Variants in SLC30A7 observed in about 807,000 individuals in gnomAD.
SLC30A7 encodes the protein zinc transporter 7.
Under a neutral mutation model 46.0 loss-of-function variants are expected in SLC30A7, and 35 were observed. That is an observed-to-expected ratio of 0.76 (90% CI 0.58 to 1.01). The LOEUF (loss-of-function observed/expected upper bound fraction) is 1.01, where lower values mean the gene tolerates loss of function less well. Ranked by LOEUF, SLC30A7 falls within the 50% of genes least tolerant of loss-of-function variation. The pLI, the probability that SLC30A7 is intolerant of heterozygous loss-of-function variation, is 0.00. For synonymous variants in SLC30A7, 147 were observed against 157.8 expected (o/e 0.93, Z 0.51); for missense variants, 464 against 451.1 (o/e 1.03, Z -0.26).
At chr1:100,945,655 TTGG>T (rs1458594759) in intron 8 of SLC30A7, among the ~76,000 whole-genome samples, 1 of 152,218 alleles carries the variant, frequency 6.6e-6, no homozygotes, top group East Asian at 1.9e-4. Context: ...TATCTCTGTT[TTGG>T]TACCAGTAGC....
chr1:100,905,904 C>G lies in SLC30A7; in HGVS notation c.183-948C>G, dbSNP rs544701388. 9.2e-5 allele frequency among the ~76,000 whole-genome samples: 14 copies of G among 152,252 alleles called. No individual in the cohort carries two copies. In the South Asian group the frequency reaches 2.9e-3, roughly 32 times the overall value. On this transcript the variant is annotated intron_variant, in intron 2 of 10. Transcript: ENST00000357650. ...TTTCTGGTTCTGTTGACTGTTGTAG[C>G]TCTTAACAATGAGTCTCTCTTTTTT...
At chr1:100,991,473 A>G in the SLC30A7 span, among the ~76,000 whole-genome samples, 2 of 152,196 alleles carry the variant, frequency 1.3e-5, no homozygotes, top group Non-Finnish European at 2.9e-5. Flanking sequence ...ACCAATGAGA[A>G]TAAAATAAGC....
rs1344803661 is a variant in SLC30A7 at position 100,915,135 on chromosome 1, TTC to T, written c.655+1331_655+1332del. Among the ~76,000 whole-genome samples, 4 of 152,016 alleles carry T rather than the reference TTC, an allele frequency of 2.6e-5. No individual in the cohort carries two copies. In the South Asian group the frequency reaches 6.2e-4, roughly 24 times the overall value. On this transcript the variant is annotated intron_variant, in intron 6 of 10. Coordinates refer to ENST00000357650, the MANE Select transcript of SLC30A7 (RefSeq NM_133496.5). ...TTCTTTTCTTTTTTCTTTTCTTTTC[TTC>T]TTTCTTTCCCTCCCTCCCTTCCTCA...
At chr1:100,906,200 T>C (rs1026052595) in intron 2 of SLC30A7, among the ~76,000 whole-genome samples, 7 of 152,172 alleles carry the variant, frequency 4.6e-5, no homozygotes, top group African/African-American at 1.4e-4. Flanking sequence ...TTTTTCAGGG[T>C]TCTTGCTCCA....
Position 100,923,263 on chromosome 1 carries a change from G to A in SLC30A7, c.842+1422G>A, listed in dbSNP as rs936470053. On this transcript the variant is annotated intron_variant, in intron 8 of 10. Transcript: ENST00000357650. The stretch of plus-strand genomic sequence containing the variant: ...GATCTCCTGACCTCGTGATCCGCCC[G>A]CCTCGGCCTCCCAAAGTGCTGGGAT... Among the ~76,000 whole-genome samples the A allele has an allele frequency of 3.8e-5, 4 of 105,784 alleles. 1 individual carries two copies. The highest frequency in any genetic ancestry group is 1.8e-4 in the Admixed American group (2 of 11,310). 69.4% of individuals were successfully genotyped at this position (105,784 alleles called of 152,430 possible). A position where few individuals can be genotyped will look rare whatever the true frequency, so the allele number is the denominator to read the frequency against.
chr1:100,927,384 A>G (rs942817519), intron 8 of SLC30A7, among the ~76,000 whole-genome samples: 2 of 152,154 alleles, frequency 1.3e-5, no homozygotes, highest in Non-Finnish European at 2.9e-5. Context: ...CCTGTTAAAC[A>G]GGAAGGACTA....
intron 8 of SLC30A7, among the ~76,000 whole-genome samples, chr1:100,957,258 T>C (rs945698166): frequency 6.6e-6 from 1 of 152,232 alleles, no homozygotes; most frequent in South Asian, 2.1e-4. Flanking sequence ...TATATAGTAG[T>C]AGATCCTTAA....
chr1:100,953,935 CT>C (rs1432498918), intron 8 of SLC30A7, among the ~76,000 whole-genome samples: 1 of 152,126 alleles, frequency 6.6e-6, no homozygotes, highest in Admixed American at 6.5e-5. Flanking sequence ...GGATAAGATA[CT>C]TTGCTTTCTG....
chr1:100,940,984 C>T (rs993278179), intron 8 of SLC30A7: 2 of 374,816 alleles, frequency 5.3e-6, no homozygotes, highest in South Asian at 2.1e-5. Context: ...TCTGGCTCTT[C>T]TCTCCTGCTA....
intron 8 of SLC30A7, among the ~76,000 whole-genome samples, chr1:100,929,501 G>T (rs375243792): frequency 6.6e-6 from 1 of 152,020 alleles, no homozygotes; most frequent in African/African-American, 2.4e-5. Context: ...ACTAAATAGA[G>T]TATAAAGAAG....
At chr1:100,941,673 A>G in intron 8 of SLC30A7, 1 of 631,686 alleles carries the variant, frequency 1.6e-6, no homozygotes, top group Non-Finnish European at 3.0e-6. Flanking sequence ...CTGGTCTCTG[A>G]GAGTCTTCTC....
In SLC30A7 at chr1:100,923,004, A is replaced by ATT. The variant is rs71084855; in HGVS notation, c.842+1193_842+1194dup. 1.3e-3 allele frequency among the ~76,000 whole-genome samples: 66 copies of ATT among 49,132 alleles called. 5 individuals are homozygous for ATT. Among genetic ancestry groups the ATT allele is most frequent in the Non-Finnish European group, 1.7e-3 (49 of 28,236 alleles). 32.2% of individuals were successfully genotyped at this position (49,132 alleles called of 152,430 possible). A position where few individuals can be genotyped will look rare whatever the true frequency, so the allele number is the denominator to read the frequency against. ...TATAGCTTGTAGTTTGTTAGAATAG[A>ATT]TTTTTTTTTTTTTTTTTTTTTTTTT... is the stretch of plus-strand genomic sequence containing the variant. On this transcript the variant is annotated intron_variant, in intron 8 of 10. Coordinates refer to ENST00000357650, the MANE Select transcript of SLC30A7 (RefSeq NM_133496.5).
intron 6 of SLC30A7, among the ~76,000 whole-genome samples, 187 bp downstream of exon 6, chr1:100,913,993 T>C (rs1341957103): frequency 6.6e-6 from 1 of 152,212 alleles, no homozygotes; most frequent in Non-Finnish European, 1.5e-5. Context: ...TATAAGGCAG[T>C]GGATGTTCGC....
At chr1:100,914,748 A>C (rs896631239) in intron 6 of SLC30A7, among the ~76,000 whole-genome samples, 12 of 152,074 alleles carry the variant, frequency 7.9e-5, no homozygotes, top group South Asian at 2.1e-4. Flanking sequence ...CAGAATCCTA[A>C]AGCTTTAGAA....
At chr1:100,932,571 G>T (rs1035657481) in intron 8 of SLC30A7, among the ~76,000 whole-genome samples, 6 of 152,124 alleles carry the variant, frequency 3.9e-5, no homozygotes, top group Non-Finnish European at 8.8e-5. Flanking sequence ...GTATATATGT[G>T]TAGGTCTGTG....
At position 100,974,831 on chromosome 1, in the gene SLC30A7, G is replaced by T. The variant is rs767110366; in HGVS notation, c.1105G>T (p.Val369Leu). 1 of 1,595,612 alleles carries T rather than the reference G, an allele frequency of 6.3e-7. No homozygotes were observed. The highest frequency in any genetic ancestry group is 1.3e-5 in the African/African-American group (1 of 74,558). ...TCAGGCTGGAGTGAGACAGCTCTACGTACAGATTGACTTTGCAGCCATGTA... is the reference window on the plus strand; with the variant it reads ...TCAGGCTGGAGTGAGACAGCTCTACTTACAGATTGACTTTGCAGCCATGTA... ...FTQAGVRQLYVQIDFAAM is the reference protein window; with the variant it reads ...FTQAGVRQLYLQIDFAAM Residue 369 changes from valine (V) to leucine (L), a missense_variant, in exon 11 of 11, where the codon GTA becomes TTA. Val to Leu is a conservative substitution (Grantham distance 32). Transcript: ENST00000357650.
intron 3 of SLC30A7, among the ~76,000 whole-genome samples, chr1:100,908,104 T>C (rs1184310875): frequency 1.1e-4 from 17 of 151,912 alleles, no homozygotes; most frequent in Admixed American, 1.1e-3. Flanking sequence ...TTCCCTGAGC[T>C]CTCCCTTTCC....
intron 6 of SLC30A7, among the ~76,000 whole-genome samples, chr1:100,915,956 AT>A (rs1652515313): frequency 6.6e-6 from 1 of 152,016 alleles, no homozygotes; most frequent in Non-Finnish European, 1.5e-5. Context: ...TTTTTTGGTA[AT>A]AGACATCCTA....
chr1:100,967,671 C>G (rs1655939559), intron 10 of SLC30A7, among the ~76,000 whole-genome samples: 1 of 152,172 alleles, frequency 6.6e-6, no homozygotes, highest in South Asian at 2.1e-4. Flanking sequence ...AACATCCAGA[C>G]AAGTACAGCT....
Sources: gnomAD v4.1 joint callset for allele counts (sites outside exome capture counted in the v4.1 genomes callset) on GRCh38, gnomAD v4.1.1 for gene constraint, MANE v1.5 for transcripts, NCBI Gene and HGNC (gene_info 2026-07-23, HGNC 2026-07-21) for gene names.